Variants in CNTN5 observed in about 807,000 individuals in gnomAD.
CNTN5 encodes the protein contactin-5.
Under a neutral mutation model 129.1 loss-of-function variants are expected in CNTN5, and 77 were observed. The ratio of observed to expected loss-of-function variants is 0.60; its 90% CI spans 0.50 to 0.72. The LOEUF is 0.72. Ranked by LOEUF, CNTN5 falls within the 30% of genes least tolerant of loss-of-function variation. The pLI is 0.00. For synonymous variants in CNTN5, 509 were observed against 465.6 expected (o/e 1.09, Z -1.20); for missense variants, 1,478 against 1,328.8 (o/e 1.11, Z -1.75).
chr11:99,588,634 A>T (rs1252815262), intron 3 of CNTN5, among the ~76,000 whole-genome samples: 3 of 152,122 alleles, frequency 2.0e-5, no homozygotes, highest in Non-Finnish European at 4.4e-5. Flanking sequence ...AATCCATTTT[A>T]TTTAATACGT....
At chr11:99,508,111 T>C (rs1281665551) in intron 2 of CNTN5, among the ~76,000 whole-genome samples, 2 of 152,142 alleles carry the variant, frequency 1.3e-5, no homozygotes, top group African/African-American at 4.8e-5. Context: ...TTATGTTTGG[T>C]GATAATGCTG....
intron 3 of CNTN5, among the ~76,000 whole-genome samples, chr11:99,613,180 G>C (rs1201464228): frequency 1.3e-5 from 2 of 152,204 alleles, no homozygotes; most frequent in African/African-American, 4.8e-5. Flanking sequence ...ATCTTGAATT[G>C]TAAGCACCAT....
intron 3 of CNTN5, among the ~76,000 whole-genome samples, chr11:99,754,352 A>C (rs771508854): frequency 7.2e-5 from 11 of 152,192 alleles, no homozygotes; most frequent in Admixed American, 3.9e-4. Context: ...CACATACTGC[A>C]GTCTTTTCCC....
intron 6 of CNTN5, among the ~76,000 whole-genome samples, chr11:99,904,465 A>G (rs538946843): frequency 1.3e-5 from 2 of 152,164 alleles, no homozygotes; most frequent in South Asian, 2.1e-4. Flanking sequence ...TGCAAAGGAC[A>G]TGAACTCATC....
rs894714904 is a variant in CNTN5 at position 99,841,855 on chromosome 11, T to C, written c.278-2997T>C. 2.2e-5 allele frequency among the ~76,000 whole-genome samples: 3 copies of C among 139,384 alleles called. No homozygotes were observed. In the South Asian group the frequency reaches 6.5e-4, roughly 30 times the overall value. 91.4% of individuals were successfully genotyped at this position (139,384 alleles called of 152,430 possible). A position where few individuals can be genotyped will look rare whatever the true frequency, so the allele number is the denominator to read the frequency against. ...ATATATACACACACACACACACATA[T>C]ATATACACACATATATACACATACA... On this transcript the variant is annotated intron_variant, in intron 4 of 24. Coordinates refer to ENST00000524871, the MANE Select transcript of CNTN5 (RefSeq NM_014361.4).
At chr11:100,179,721 TAACCA>T (rs1948079085) in intron 13 of CNTN5, among the ~76,000 whole-genome samples, 1 of 151,494 alleles carries the variant, frequency 6.6e-6, no homozygotes, top group Non-Finnish European at 1.5e-5. Flanking sequence ...TACTAGATTA[TAACCA>T]TATTGAACTA....
chr11:100,215,612 C>T (rs982334068), intron 15 of CNTN5, among the ~76,000 whole-genome samples: 1 of 151,874 alleles, frequency 6.6e-6, no homozygotes. Context: ...TTTTAAATAC[C>T]CCATAATGCA....
At chr11:99,545,688 A>G (rs72995239) in intron 2 of CNTN5, among the ~76,000 whole-genome samples, 13,372 of 152,260 alleles carry the variant, frequency 0.088, 704 homozygotes, top group African/African-American at 0.13. Context: ...ACTGTTGTGC[A>G]GAGTATATAT....
chr11:100,115,488 A>G (rs76943932), intron 13 of CNTN5, among the ~76,000 whole-genome samples: 2,586 of 152,196 alleles, frequency 0.017, 64 homozygotes, highest in African/African-American at 0.057. Flanking sequence ...GAAGAAGTTG[A>G]GTATATATTT....
chr11:99,353,784 A>G (rs958525878), intron 2 of CNTN5, among the ~76,000 whole-genome samples: 1 of 152,180 alleles, frequency 6.6e-6, no homozygotes, highest in African/African-American at 2.4e-5. Context: ...TTGCCTTTAA[A>G]TAAACCTTGT....
chr11:100,283,608 G>A (rs1305348265), intron 18 of CNTN5, among the ~76,000 whole-genome samples: 1 of 152,150 alleles, frequency 6.6e-6, no homozygotes, highest in East Asian at 1.9e-4. Flanking sequence ...TTCAAGTTCT[G>A]ACCACTGATA....
chr11:99,174,652 T>C (rs1252928120), intron 1 of CNTN5, among the ~76,000 whole-genome samples: 1 of 152,170 alleles, frequency 6.6e-6, no homozygotes, highest in Admixed American at 6.5e-5. Context: ...GTCCATTTGA[T>C]ATAGTGAAGC....
chr11:100,285,080 G>C (rs1338713307), intron 18 of CNTN5, among the ~76,000 whole-genome samples: 1 of 152,144 alleles, frequency 6.6e-6, no homozygotes, highest in Admixed American at 6.5e-5. Flanking sequence ...AAAGAGCTTA[G>C]CATAGTGCCT....
chr11:99,276,864 C>A (rs1470855420), intron 1 of CNTN5, among the ~76,000 whole-genome samples: 4 of 151,404 alleles, frequency 2.6e-5, no homozygotes, highest in Non-Finnish European at 4.4e-5. Context: ...TTCTAATTTT[C>A]TCCTATAAAG....
intron 3 of CNTN5, among the ~76,000 whole-genome samples, chr11:99,773,243 C>A (rs1344279001): frequency 1.3e-5 from 2 of 152,016 alleles, no homozygotes; most frequent in Admixed American, 1.3e-4. Flanking sequence ...AGATGTTGGC[C>A]TGAGGAAAAT....
chr11:100,281,486 G>A lies in CNTN5; in HGVS notation c.2314+10245G>A, dbSNP rs191409430. 1.8e-4 allele frequency among the ~76,000 whole-genome samples: 28 copies of A among 152,082 alleles called. No individual in the cohort carries two copies. In the East Asian group the frequency reaches 5.4e-3, roughly 29 times the overall value. On this transcript the variant is annotated intron_variant, in intron 18 of 24. Transcript: ENST00000524871. Reference sequence around the variant, plus strand: ...ATTGGAGCTCCTTTGTATGTTATTTGTTTCTTTCTCTTACTGTTTTTAGGA... The same window carrying A: ...ATTGGAGCTCCTTTGTATGTTATTTATTTCTTTCTCTTACTGTTTTTAGGA...
At chr11:100,106,313 C>T (rs1316869048) in intron 13 of CNTN5, among the ~76,000 whole-genome samples, 2 of 152,094 alleles carry the variant, frequency 1.3e-5, no homozygotes, top group African/African-American at 4.8e-5. Context: ...CATTCTTAAC[C>T]GGCATATGAT....
intron 15 of CNTN5, among the ~76,000 whole-genome samples, chr11:100,223,832 C>G (rs1234521772): frequency 6.6e-6 from 1 of 152,070 alleles, no homozygotes; most frequent in Non-Finnish European, 1.5e-5. Flanking sequence ...TAAATATCAA[C>G]CAGATCTTTA....
chr11:99,579,887 G>T (rs1178027804), intron 3 of CNTN5, among the ~76,000 whole-genome samples: 2 of 150,532 alleles, frequency 1.3e-5, no homozygotes, highest in Admixed American at 6.6e-5. Context: ...AGTGGTGAGA[G>T]AGGGCATCCC....
Sources: allele counts gnomAD v4.1 joint callset (sites outside exome capture counted in the v4.1 genomes callset), GRCh38; gene constraint gnomAD v4.1.1; transcripts MANE v1.5; gene names NCBI Gene and HGNC (gene_info 2026-07-23, HGNC 2026-07-21).